The following PRPSAP1 variants were observed in gnomAD, a reference collection of about 807,000 sequenced individuals.
PRPSAP1 encodes phosphoribosyl pyrophosphate synthetase associated protein 1.
Under a neutral mutation model 39.4 loss-of-function variants are expected in PRPSAP1, and 31 were observed. That is an observed-to-expected ratio of 0.79 (90% CI 0.59 to 1.06). The LOEUF is 1.06. Ranked by LOEUF, PRPSAP1 falls within the 50% of genes least tolerant of loss-of-function variation. The pLI, the probability that PRPSAP1 is intolerant of heterozygous loss-of-function variation, is 0.00. For synonymous variants in PRPSAP1, 212 were observed against 192.6 expected (o/e 1.10, Z -0.83); for missense variants, 430 against 511.6 (o/e 0.84, Z 1.54).
chr17:76,332,102 A>T (rs115532076), intron 4 of PRPSAP1, among the ~76,000 whole-genome samples, 161 bp downstream of exon 4: 1,746 of 152,318 alleles, frequency 0.011, 35 homozygotes, highest in African/African-American at 0.039. Flanking sequence ...TAAGGGAAAA[A>T]AAAGAATTTC....
rs375906385 is a variant in PRPSAP1, at chr17:76,328,836, C to G, written c.662G>C (p.Arg221Pro). ...KRAQSYAERL[R>P]LGLAVIHGEA... ...CCCGTGAATGACGGCCAAACCCAGA[C>G]GCAGTCTCTCCGCATAGGACTGGGC... Residue 221 changes from arginine to proline, a missense_variant, in exon 7 of 10, where the codon CGT becomes CCT. Around this residue, in one of 2 missense-constraint regions of PRPSAP1, gnomAD observed 278 missense variants for 376.3 expected, o/e 0.74. Transcript: ENST00000446526. 1.9e-6 allele frequency: 3 copies of G among 1,614,032 alleles called. No homozygotes were observed. Among genetic ancestry groups the G allele is most frequent in the South Asian group, 1.1e-5 (1 of 91,080 alleles).
At chr17:76,351,861 T>A (rs2071577444) in intron 1 of PRPSAP1, among the ~76,000 whole-genome samples, 2 of 152,126 alleles carry the variant, frequency 1.3e-5, no homozygotes, top group African/African-American at 2.4e-5. Flanking sequence ...AAATGTGCCC[T>A]GCTCCCCTCT....
chr17:76,351,955 C>T (rs2071578529), intron 1 of PRPSAP1, among the ~76,000 whole-genome samples: 1 of 151,722 alleles, frequency 6.6e-6, no homozygotes, highest in Non-Finnish European at 1.5e-5. Flanking sequence ...TTTCGTTGGC[C>T]TCAGAAAGAA....
At chr17:76,319,681 C>A (rs542199182) in intron 7 of PRPSAP1, among the ~76,000 whole-genome samples, 19 of 152,030 alleles carry the variant, frequency 1.2e-4, no homozygotes, top group East Asian at 2.0e-4. Flanking sequence ...GTTGGCCAGG[C>A]TGACCTCGTG....
chr17:76,349,197 G>A (rs1302507047), intron 1 of PRPSAP1, among the ~76,000 whole-genome samples: 2 of 151,886 alleles, frequency 1.3e-5, no homozygotes, highest in Non-Finnish European at 1.5e-5. Context: ...TCAGCTACTA[G>A]GGAGGCTGAG....
intron 7 of PRPSAP1, among the ~76,000 whole-genome samples, chr17:76,322,954 A>T (rs2071213399): frequency 6.6e-6 from 1 of 152,016 alleles, no homozygotes; most frequent in African/African-American, 2.4e-5. Context: ...TGATCGCACC[A>T]CTGCACTGCA....
rs1261015890 is a variant in PRPSAP1 at position 76,353,866 on chromosome 17, C to G, written c.-163G>C. On this transcript the variant is annotated 5_prime_UTR_variant, in exon 1 of 10. Coordinates refer to ENST00000446526, the MANE Select transcript of PRPSAP1 (RefSeq NM_002766.3). ...CTTGCGCACCCCACACCACTGACTA[C>G]AGCGGCCGAGCCTTCGCAGCGCCCG... The G allele has an allele frequency of 7.5e-7, 1 of 1,327,914 alleles. No individual in the cohort carries two copies. Among genetic ancestry groups the G allele is most frequent in the African/African-American group, 1.5e-5 (1 of 64,520 alleles). The allele number at this position is 1,327,914 out of a possible 1,614,324, so 82.3% of individuals were successfully genotyped here.
intron 3 of PRPSAP1, among the ~76,000 whole-genome samples, chr17:76,343,183 G>A (rs1398775829): frequency 6.6e-6 from 1 of 152,210 alleles, no homozygotes; most frequent in East Asian, 1.9e-4. Flanking sequence ...ACACTGATCA[G>A]GACATGAAGG....
At chr17:76,331,517 T>C (rs1307618540) in intron 4 of PRPSAP1, among the ~76,000 whole-genome samples, 2 of 152,218 alleles carry the variant, frequency 1.3e-5, no homozygotes, top group African/African-American at 2.4e-5. Flanking sequence ...ATAGTGTTTA[T>C]ATGGTATTAG....
intron 7 of PRPSAP1, among the ~76,000 whole-genome samples, chr17:76,318,042 A>C (rs1292209745): frequency 1.3e-5 from 2 of 152,116 alleles, no homozygotes; most frequent in African/African-American, 4.8e-5. Flanking sequence ...CTTTACCTAC[A>C]AGATGCCAGC....
chr17:76,330,529 G>T, intron 5 of PRPSAP1, 22 bp downstream of exon 5: 2 of 1,490,456 alleles, frequency 1.3e-6, no homozygotes, highest in Non-Finnish European at 1.9e-6. Context: ...GGACAATGGG[G>T]TGTTTGCTGG....
chr17:76,353,440 G>A (rs909780288), intron 1 of PRPSAP1, 94 bp downstream of exon 1: 22 of 1,233,582 alleles, frequency 1.8e-5, no homozygotes, highest in Admixed American at 3.6e-5. Flanking sequence ...CCAGGTGCAG[G>A]AGGTGGGGCG....
At chr17:76,346,757 C>T (rs116654751) in intron 2 of PRPSAP1, among the ~76,000 whole-genome samples, 2,829 of 152,248 alleles carry the variant, frequency 0.019, 85 homozygotes, top group African/African-American at 0.063. Context: ...TTTGGCCGGG[C>T]GCGGTGGCTC....
At chr17:76,315,456 C>T (rs1346889070) in intron 7 of PRPSAP1, among the ~76,000 whole-genome samples, 4 of 152,128 alleles carry the variant, frequency 2.6e-5, no homozygotes, top group African/African-American at 9.7e-5. Context: ...TCTCTGTATA[C>T]TGGCAAATCA....
intron 1 of PRPSAP1, among the ~76,000 whole-genome samples, chr17:76,350,243 C>G (rs1011309870): frequency 2.0e-5 from 3 of 151,606 alleles, no homozygotes; most frequent in Non-Finnish European, 4.4e-5. Context: ...ATCGAGACCA[C>G]CCTGGCTAAC....
Position 76,351,914 on chromosome 17 carries a change from TAC to T in PRPSAP1, c.170+1618_170+1619del, listed in dbSNP as rs1230418354. On this transcript the variant is annotated intron_variant, in intron 1 of 9. Coordinates refer to ENST00000446526, the MANE Select transcript of PRPSAP1 (RefSeq NM_002766.3). ...GGTAGGGTAAATCTGAACCACTAGA[TAC>T]ACACAGAAGCTTCGTTTAAAGTCAG... Among the ~76,000 whole-genome samples, 5 of 152,228 alleles carry T rather than the reference TAC, an allele frequency of 3.3e-5. No homozygotes were observed. In the East Asian group the frequency reaches 7.7e-4, roughly 24 times the overall value.
At chr17:76,336,566 C>G (rs1433394602) in intron 3 of PRPSAP1, among the ~76,000 whole-genome samples, 1 of 151,126 alleles carries the variant, frequency 6.6e-6, no homozygotes, top group African/African-American at 2.4e-5. Context: ...ACCCCCGTCT[C>G]AACTAAAAAT....
At chr17:76,322,913 G>A (rs915537161) in intron 7 of PRPSAP1, among the ~76,000 whole-genome samples, 1 of 152,060 alleles carries the variant, frequency 6.6e-6, no homozygotes, top group Non-Finnish European at 1.5e-5. Flanking sequence ...AGGATCACCT[G>A]AGCCCAGGTG....
At chr17:76,316,423 T>C (rs1401706259) in intron 7 of PRPSAP1, among the ~76,000 whole-genome samples, 1 of 152,186 alleles carries the variant, frequency 6.6e-6, no homozygotes, top group Admixed American at 6.6e-5. Flanking sequence ...TCCCTGCTGA[T>C]ACTGCCTTTA....
Sources: allele counts gnomAD v4.1 joint callset (sites outside exome capture counted in the v4.1 genomes callset), GRCh38; gene constraint gnomAD v4.1.1; regional missense constraint gnomAD v4.1.1; transcripts MANE v1.5; gene names NCBI Gene and HGNC (gene_info 2026-07-23, HGNC 2026-07-21).